The following VAV2 variants were observed in gnomAD, a reference collection of about 807,000 sequenced individuals.
VAV2 encodes the protein vav guanine nucleotide exchange factor 2, also known as guanine nucleotide exchange factor VAV2.
In VAV2, 67 loss-of-function variants were observed where a neutral mutation model predicts 132.5. That is an observed-to-expected ratio of 0.51 (90% CI 0.42 to 0.62). The LOEUF (loss-of-function observed/expected upper bound fraction) is 0.62, where lower values mean the gene tolerates loss of function less well. VAV2 is among the 20% of genes least tolerant of loss of function. The pLI, the probability that VAV2 is intolerant of heterozygous loss-of-function variation, is 0.00. For missense variants in VAV2, 938 were observed against 1,153.6 expected, an observed-to-expected ratio of 0.81 and a Z score of 2.71; for synonymous variants, 492 against 443.5, an observed-to-expected ratio of 1.11 and a Z score of -1.37.
chr9:133,805,581 C>T (rs367624634), intron 9 of VAV2, among the ~76,000 whole-genome samples: 1 of 151,556 alleles, frequency 6.6e-6, no homozygotes. Flanking sequence ...GCCTGGGCAT[C>T]GTCTAAGCTC....
At chr9:133,849,479 AC>A (rs1367650537) in intron 3 of VAV2, among the ~76,000 whole-genome samples, 2 of 151,902 alleles carry the variant, frequency 1.3e-5, no homozygotes, top group African/African-American at 2.4e-5. Context: ...TGGCTGAGGG[AC>A]CCCCTCCTGG....
intron 1 of VAV2, among the ~76,000 whole-genome samples, chr9:133,941,700 T>C (rs1248118556): frequency 6.6e-6 from 1 of 151,342 alleles, no homozygotes; most frequent in East Asian, 2.0e-4. Flanking sequence ...CCTCCCAGGT[T>C]CAAGCGAATT....
At chr9:133,844,659 C>T (rs1003064503) in intron 3 of VAV2, among the ~76,000 whole-genome samples, 1 of 152,242 alleles carries the variant, frequency 6.6e-6, no homozygotes, top group African/African-American at 2.4e-5. Context: ...CCAAACTGGG[C>T]ACTGATGGGC....
At chr9:133,897,221 A>G (rs1839245848) in intron 2 of VAV2, among the ~76,000 whole-genome samples, 1 of 152,210 alleles carries the variant, frequency 6.6e-6, no homozygotes, top group South Asian at 2.1e-4. Flanking sequence ...ACACTCGGGA[A>G]GAAAGCCGCT....
In VAV2 at chr9:133,769,673, C is replaced by T. The variant is rs147044222; in HGVS notation, c.2348-170G>A. 3.3e-5 allele frequency among the ~76,000 whole-genome samples: 5 copies of T among 152,152 alleles called. No individual in the cohort carries two copies. Among genetic ancestry groups the T allele is most frequent in the African/African-American group, 1.2e-4 (5 of 41,436 alleles). On this transcript the variant is annotated intron_variant, in intron 27 of 29. Transcript: ENST00000371850. The surrounding 1 kb of genome is among the most constrained non-coding windows in gnomAD (Gnocchi z 8.1). ...GCAGCACGGGTTGTCAAGCCCCACCCAGGCACAGGTGCCACTCGGCCACAC... is the reference window on the plus strand; with the variant it reads ...GCAGCACGGGTTGTCAAGCCCCACCTAGGCACAGGTGCCACTCGGCCACAC...
In VAV2 at chr9:133,834,964, C is replaced by T. The variant is rs1425429280; in HGVS notation, c.381-624G>A. ...AAAGGGAGCAGAAGCCCCATGGGGT[C>T]TCCCCAGAAGGAACGCGGCGGTGCT... On this transcript the variant is annotated intron_variant, in intron 3 of 29. Transcript: ENST00000371850. This position sits in a 1 kb window ranked among gnomAD's most constrained non-coding sequence, Gnocchi z 5.9. Among the ~76,000 whole-genome samples the T allele has an allele frequency of 2.6e-5, 4 of 152,194 alleles. No individual in the cohort carries two copies. The East Asian group carries it at 7.7e-4, about 29-fold the overall frequency.
intron 2 of VAV2, among the ~76,000 whole-genome samples, chr9:133,897,073 G>C (rs192869497): frequency 6.6e-6 from 1 of 152,082 alleles, no homozygotes. Flanking sequence ...CAGCCTGGGC[G>C]ACAGAGCGAG....
rs1337888037 is a variant in VAV2, at chr9:133,928,211, G to A, written c.321+10892C>T. ...TGTGCGTGCATGTGTGTATGTCTGT[G>A]TGTGTGCGTGCATGTGTGTGTCTGT... On this transcript the variant is annotated intron_variant, in intron 2 of 29. Coordinates refer to ENST00000371850, the MANE Select transcript of VAV2 (RefSeq NM_001134398.2). The surrounding 1 kb of genome is among the most constrained non-coding windows in gnomAD (Gnocchi z 5.4). Among the ~76,000 whole-genome samples the A allele has an allele frequency of 6.6e-6, 1 of 152,168 alleles. No individual in the cohort carries two copies. Among genetic ancestry groups the A allele is most frequent in the Non-Finnish European group, 1.5e-5 (1 of 68,028 alleles).
chr9:133,964,274 C>T (rs1025276048), intron 1 of VAV2, among the ~76,000 whole-genome samples: 1 of 150,504 alleles, frequency 6.6e-6, no homozygotes, highest in Non-Finnish European at 1.5e-5. Context: ...AGGAAAATGG[C>T]TTGAGCCTGG....
chr9:133,919,822 C>T lies in VAV2; in HGVS notation c.321+19281G>A, dbSNP rs1219370986. On this transcript the variant is annotated intron_variant, in intron 2 of 29. Coordinates refer to ENST00000371850, the MANE Select transcript of VAV2 (RefSeq NM_001134398.2). This position sits in a 1 kb window ranked among gnomAD's most constrained non-coding sequence, Gnocchi z 5.8. The stretch of plus-strand genomic sequence containing the variant: ...GAAGGTCCCCGCTGCCCCGACTGTC[C>T]CTGCCGCCCCGGCCACCCCTGCCTC... 6.6e-6 allele frequency among the ~76,000 whole-genome samples: 1 copy of T among 152,180 alleles called. No homozygotes were observed.
chr9:133,781,806 C>A (rs1034710897), intron 19 of VAV2, among the ~76,000 whole-genome samples: 1 of 152,178 alleles, frequency 6.6e-6, no homozygotes, highest in African/African-American at 2.4e-5. Flanking sequence ...GGACACAGGC[C>A]CCTGGGGAGA....
chr9:133,877,839 C>T (rs1838323460), intron 2 of VAV2, among the ~76,000 whole-genome samples: 1 of 151,104 alleles, frequency 6.6e-6, no homozygotes, highest in Admixed American at 6.5e-5. Flanking sequence ...ACGGCAATAA[C>T]TTTCCAGTGT....
chr9:133,953,959 TCCCA>T (rs1022512699), intron 1 of VAV2, among the ~76,000 whole-genome samples: 5 of 152,072 alleles, frequency 3.3e-5, no homozygotes, highest in Non-Finnish European at 5.9e-5. Context: ...AGGCAGCGCC[TCCCA>T]CCACCCCTTG....
intron 3 of VAV2, among the ~76,000 whole-genome samples, chr9:133,845,100 G>C (rs544377140): frequency 6.6e-5 from 10 of 152,340 alleles, no homozygotes; most frequent in African/African-American, 2.4e-4. Flanking sequence ...AGCTTCCCCC[G>C]CTCTCGCGTC....
intron 4 of VAV2, among the ~76,000 whole-genome samples, chr9:133,813,840 C>A (rs1440035775): frequency 6.6e-6 from 1 of 152,208 alleles, no homozygotes. Context: ...CATGGGCAAG[C>A]CCCTCTGTGT....
At chr9:133,811,121 G>A (rs1302661673) in intron 5 of VAV2, among the ~76,000 whole-genome samples, 2 of 152,128 alleles carry the variant, frequency 1.3e-5, no homozygotes, top group Admixed American at 6.5e-5. Context: ...CCTCCACAAA[G>A]GGCCACCATC....
At chr9:133,864,427 G>T (rs945596838) in intron 2 of VAV2, among the ~76,000 whole-genome samples, 2 of 152,236 alleles carry the variant, frequency 1.3e-5, no homozygotes, top group Admixed American at 6.5e-5. Flanking sequence ...ACGAGGTGGG[G>T]ACTGGAGAGC....
chr9:133,771,476 G>C (rs910554572), intron 26 of VAV2, among the ~76,000 whole-genome samples: 11 of 152,210 alleles, frequency 7.2e-5, no homozygotes, highest in African/African-American at 2.4e-4. Flanking sequence ...TTGTAATTAA[G>C]AAAAGAAAAT....
chr9:133,795,583 G>C, intron 12 of VAV2, 85 bp downstream of exon 12: 1 of 1,523,524 alleles, frequency 6.6e-7, no homozygotes. Context: ...TCAAAACTGA[G>C]GCTCGTTAAT....
Sources: gnomAD v4.1 joint callset for allele counts (sites outside exome capture counted in the v4.1 genomes callset) on GRCh38, gnomAD v4.1.1 for gene constraint, Gnocchi (gnomAD v3.1) non-coding constraint, MANE v1.5 for transcripts, NCBI Gene and HGNC (gene_info 2026-07-23, HGNC 2026-07-21) for gene names.